SMARCA4: variants seen among roughly 807,000 people sequenced by gnomAD.
SMARCA4 encodes the protein SWI/SNF-related matrix-associated actin-dependent regulator of chromatin subfamily A member 4.
Under a neutral mutation model 193.9 loss-of-function variants are expected in SMARCA4, and 31 were observed. The observed-to-expected ratio is 0.16, with a 90% CI of 0.12 to 0.22. SMARCA4 has a LOEUF of 0.22. SMARCA4 is among the 10% of genes least tolerant of loss of function. SMARCA4 has a pLI of 1.00. For missense variants in SMARCA4, 1,148 were observed against 2,296.0 expected, an observed-to-expected ratio of 0.50 and a Z score of 10.22; for synonymous variants, 942 against 933.1, an observed-to-expected ratio of 1.01 and a Z score of -0.17.
At chr19:10,994,020 A>T (rs530257078) in intron 8 of SMARCA4, among the ~76,000 whole-genome samples, 101 of 151,918 alleles carry the variant, frequency 6.6e-4, no homozygotes, top group African/African-American at 2.3e-3. Context: ...TTTTCATAAT[A>T]GTCTCGTTTT....
intron 18 of SMARCA4, chr19:11,021,522 G>C: frequency 1.4e-6 from 1 of 719,518 alleles, no homozygotes; most frequent in South Asian, 1.5e-5. Flanking sequence ...GCCTGTCTCT[G>C]CCCAAGGCTT....
rs2075166018 is a variant in SMARCA4, at chr19:11,034,825, A to G, written c.3952-89A>G. Reference sequence around the variant, plus strand: ...AGCGTGGAGCCCCACGGGCAGAGAAAGGCCCTTCTGAACTCTCGGTGTTCT... The same window carrying G: ...AGCGTGGAGCCCCACGGGCAGAGAAGGGCCCTTCTGAACTCTCGGTGTTCT... On this transcript the variant is annotated intron_variant, in intron 28 of 34. Transcript: ENST00000344626. This position sits in a 1 kb window ranked among gnomAD's most constrained non-coding sequence, Gnocchi z 7.0. 41 of 855,122 alleles carry G rather than the reference A, an allele frequency of 4.8e-5. No individual in the cohort carries two copies. In the South Asian group the frequency reaches 5.1e-4, roughly 11 times the overall value. The allele number at this position is 855,122 out of a possible 1,614,324, so 53.0% of individuals were successfully genotyped here. A position where few individuals can be genotyped will look rare whatever the true frequency, so the allele number is the denominator to read the frequency against.
rs749179837 is a variant in SMARCA4, at chr19:10,985,238, A to G, written c.223-35A>G. Reference sequence around the variant, plus strand: ...GCTGCGCTGCCACCTCACGTTCCACATGCTGACCCTGCCTTGCCATGGTCC... The same window carrying G: ...GCTGCGCTGCCACCTCACGTTCCACGTGCTGACCCTGCCTTGCCATGGTCC... On this transcript the variant is annotated intron_variant, in intron 2 of 34. Transcript: ENST00000344626. The surrounding 1 kb of genome is among the most constrained non-coding windows in gnomAD (Gnocchi z 4.5). The G allele has an allele frequency of 8.1e-6, 13 of 1,613,180 alleles. No homozygotes were observed. In the African/African-American group the frequency reaches 1.5e-4, roughly 18 times the overall value.
At chr19:11,037,792 A>G (rs1190274335) in intron 29 of SMARCA4, among the ~76,000 whole-genome samples, 1 of 152,070 alleles carries the variant, frequency 6.6e-6, no homozygotes, top group Non-Finnish European at 1.5e-5. Context: ...ATCCATTTTG[A>G]GTTAAATTTT....
At chr19:11,043,512 C>T (rs1019638157) in intron 30 of SMARCA4, among the ~76,000 whole-genome samples, 5 of 151,654 alleles carry the variant, frequency 3.3e-5, no homozygotes, top group Admixed American at 6.6e-5. Flanking sequence ...GATACAGCTG[C>T]GGGCAGTAGC....
At chr19:11,007,644 G>A (rs2088361458) in intron 13 of SMARCA4, among the ~76,000 whole-genome samples, 1 of 152,078 alleles carries the variant, frequency 6.6e-6, no homozygotes, top group Admixed American at 6.6e-5. Flanking sequence ...GGGAGGCTGA[G>A]GCAGGATGAT....
chr19:11,058,399 C>G lies in SMARCA4; in HGVS notation c.4533+36C>G, dbSNP rs759807777. On this transcript the variant is annotated intron_variant, in intron 31 of 34. Coordinates refer to ENST00000344626, the MANE Select transcript of SMARCA4 (RefSeq NM_003072.5). This position sits in a 1 kb window ranked among gnomAD's most constrained non-coding sequence, Gnocchi z 5.8. ...CGTTGTACCTGCGCCCCGCATGTGC[C>G]CGGAGGGGAGTCTGACCCAGGGGCA... is the stretch of plus-strand genomic sequence containing the variant. The G allele has an allele frequency of 6.9e-7, 1 of 1,442,078 alleles. No individual in the cohort carries two copies. Among genetic ancestry groups the G allele is most frequent in the Admixed American group, 1.7e-5 (1 of 59,484 alleles). 89.3% of individuals were successfully genotyped at this position (1,442,078 alleles called of 1,614,324 possible).
At chr19:11,061,231 A>G (rs931415640) in intron 34 of SMARCA4, among the ~76,000 whole-genome samples, 1 of 138,770 alleles carries the variant, frequency 7.2e-6, no homozygotes, top group Non-Finnish European at 1.5e-5. Flanking sequence ...ATATATATAT[A>G]TATATATATA....
chr19:11,008,064 G>GT (rs1568463138), intron 14 of SMARCA4, 41 bp downstream of exon 14: 1 of 1,601,272 alleles, frequency 6.2e-7, no homozygotes, highest in Non-Finnish European at 8.5e-7. Context: ...CCAGCTTCCT[G>GT]TGAGGTGGCG....
intron 16 of SMARCA4, among the ~76,000 whole-genome samples, chr19:11,015,310 G>T (rs1399336594): frequency 1.3e-5 from 2 of 152,192 alleles, no homozygotes; most frequent in Non-Finnish European, 2.9e-5. Flanking sequence ...TCTGGTCCAG[G>T]ATCCCACACT....
chr19:10,974,331 TG>T (rs2084924617), intron 1 of SMARCA4, among the ~76,000 whole-genome samples: 1 of 152,088 alleles, frequency 6.6e-6, no homozygotes, highest in Non-Finnish European at 1.5e-5. Flanking sequence ...ATAATTTTGA[TG>T]AAGTTGAAAA....
chr19:11,050,977 C>G (rs1359497371), intron 30 of SMARCA4, among the ~76,000 whole-genome samples: 1 of 152,224 alleles, frequency 6.6e-6, no homozygotes, highest in African/African-American at 2.4e-5. Flanking sequence ...CAGATGAGCC[C>G]CAGGCATGCC....
At chr19:11,054,620 C>T (rs548734591) in intron 30 of SMARCA4, among the ~76,000 whole-genome samples, 3 of 152,244 alleles carry the variant, frequency 2.0e-5, no homozygotes, top group South Asian at 4.1e-4. Context: ...TGGTGAAACC[C>T]GTCTCTACTA....
At chr19:11,038,453 G>A (rs11668058) in intron 29 of SMARCA4, among the ~76,000 whole-genome samples, 3,773 of 152,284 alleles carry the variant, frequency 0.025, 81 homozygotes, top group Non-Finnish European at 0.041. Flanking sequence ...CCTCCTGCCT[G>A]CTGTGCCCTC....
In SMARCA4 at chr19:10,987,034, G is replaced by C. The variant is rs369650887; in HGVS notation, c.859+31G>C. 7 of 1,487,488 alleles carry C rather than the reference G, an allele frequency of 4.7e-6. No individual in the cohort carries two copies. The East Asian group carries it at 1.6e-4, about 34-fold the overall frequency. 92.1% of individuals were successfully genotyped at this position (1,487,488 alleles called of 1,614,324 possible). On this transcript the variant is annotated intron_variant, in intron 5 of 34. Transcript: ENST00000344626. The surrounding 1 kb of genome is among the most constrained non-coding windows in gnomAD (Gnocchi z 5.3). ...CTCCCTCTTCTATGGTGGTGCACCC[G>C]TGCCCTTACTCCCCATCTCAAGCTT...
chr19:11,023,481 A>C, intron 19 of SMARCA4, 37 bp from the exon 20 acceptor site: 5 of 1,322,658 alleles, frequency 3.8e-6, no homozygotes, highest in Non-Finnish European at 5.4e-6. Context: ...CCTCCTTTGG[A>C]GGTAACGCTT....
intron 13 of SMARCA4, among the ~76,000 whole-genome samples, chr19:11,004,303 G>T (rs1342850042): frequency 6.7e-6 from 1 of 149,600 alleles, no homozygotes; most frequent in Non-Finnish European, 1.5e-5. Flanking sequence ...AGGATGGAGT[G>T]CAGTGGCGCG....
At chr19:10,976,216 G>A (rs1487970309) in intron 1 of SMARCA4, among the ~76,000 whole-genome samples, 1 of 152,164 alleles carries the variant, frequency 6.6e-6, no homozygotes, top group Non-Finnish European at 1.5e-5. Context: ...GGTAAGAAGG[G>A]GTAGAGAGAG....
intron 30 of SMARCA4, among the ~76,000 whole-genome samples, chr19:11,042,062 G>C (rs1220373721): frequency 6.6e-6 from 1 of 152,130 alleles, no homozygotes; most frequent in Non-Finnish European, 1.5e-5. Context: ...ACCCTCCCAG[G>C]CTACCTGTGC....
Sources: gnomAD v4.1 joint callset for allele counts (sites outside exome capture counted in the v4.1 genomes callset) on GRCh38, gnomAD v4.1.1 for gene constraint, Gnocchi (gnomAD v3.1) non-coding constraint, MANE v1.5 for transcripts, NCBI Gene and HGNC (gene_info 2026-07-23, HGNC 2026-07-21) for gene names.